Variants in ARMC9 observed in about 807,000 individuals in gnomAD.
ARMC9 encodes lisH domain-containing protein ARMC9.
Under a neutral mutation model 107.0 loss-of-function variants are expected in ARMC9, and 94 were observed. The ratio of observed to expected loss-of-function variants is 0.88; its 90% CI spans 0.74 to 1.04. ARMC9 has a LOEUF of 1.04. Ranked by LOEUF, ARMC9 falls within the 50% of genes least tolerant of loss-of-function variation. ARMC9 has a pLI of 0.00. For missense variants in ARMC9, 942 were observed against 1,030.1 expected, an observed-to-expected ratio of 0.91 and a Z score of 1.17; for synonymous variants, 380 against 396.9, an observed-to-expected ratio of 0.96 and a Z score of 0.51.
At chr2:231,220,424 C>T (rs1167461905) in intron 5 of ARMC9, among the ~76,000 whole-genome samples, 1 of 151,906 alleles carries the variant, frequency 6.6e-6, no homozygotes, top group Non-Finnish European at 1.5e-5. Flanking sequence ...TGGTGAAACC[C>T]TGTCTCTACT....
Position 231,209,048 on chromosome 2 carries a change from C to T in ARMC9, c.177+796C>T, listed in dbSNP as rs141807574. Among the ~76,000 whole-genome samples the T allele has an allele frequency of 1.0e-3, 157 of 152,150 alleles. 1 individual carries two copies. Among genetic ancestry groups the T allele is most frequent in the African/African-American group, 3.4e-3 (140 of 41,482 alleles). On this transcript the variant is annotated intron_variant, in intron 3 of 24. Coordinates refer to ENST00000611582, the MANE Select transcript of ARMC9 (RefSeq NM_001352754.2). ...TCCCTAGTAGCTAGGATTACAGGCACGTGCTACTGCGTCTGGCTAATTTTT... is the reference window on the plus strand; with the variant it reads ...TCCCTAGTAGCTAGGATTACAGGCATGTGCTACTGCGTCTGGCTAATTTTT...
chr2:231,227,889 G>A (rs1055633246), intron 7 of ARMC9, among the ~76,000 whole-genome samples: 2 of 152,220 alleles, frequency 1.3e-5, no homozygotes, highest in African/African-American at 4.8e-5. Flanking sequence ...CTGTCGCTCA[G>A]AGGGGACAGG....
At chr2:231,345,337 T>C in intron 21 of ARMC9, 1 of 573,082 alleles carries the variant, frequency 1.7e-6, no homozygotes, top group Non-Finnish European at 2.7e-6. Context: ...AAGACAAATG[T>C]TGGCCAGAGT....
intron 20 of ARMC9, among the ~76,000 whole-genome samples, chr2:231,336,461 C>A (rs1372855966): frequency 6.6e-6 from 1 of 152,214 alleles, no homozygotes; most frequent in Non-Finnish European, 1.5e-5. Context: ...TACCACTCAG[C>A]CGGGCCGCCT....
intron 18 of ARMC9, chr2:231,295,666 C>G (rs1357358695): frequency 6.6e-6 from 1 of 152,282 alleles, no homozygotes; most frequent in Non-Finnish European, 1.5e-5. Context: ...AACCACAGAG[C>G]CTTCAGGAAC....
intron 15 of ARMC9, 109 bp downstream of exon 15, chr2:231,276,884 T>TA: frequency 7.1e-7 from 1 of 1,417,900 alleles, no homozygotes. Context: ...CATAGAAAAC[T>TA]AAAAACAGAA....
At chr2:231,230,164 C>T (rs529828548) in intron 7 of ARMC9, among the ~76,000 whole-genome samples, 1 of 152,012 alleles carries the variant, frequency 6.6e-6, no homozygotes, top group African/African-American at 2.4e-5. Context: ...GAGTTTGTGA[C>T]CAGCCTGGCC....
chr2:231,376,587 A>G lies in ARMC9; in HGVS notation c.*5052A>G, dbSNP rs1191316485. Among the ~76,000 whole-genome samples, 2 of 152,226 alleles carry G rather than the reference A, an allele frequency of 1.3e-5. No individual in the cohort carries two copies. The highest frequency in any genetic ancestry group is 4.8e-5 in the African/African-American group (2 of 41,446). On this transcript the variant is annotated 3_prime_UTR_variant, in exon 25 of 25. Coordinates refer to ENST00000611582, the MANE Select transcript of ARMC9 (RefSeq NM_001352754.2). ...CCCTGTCTCCTGATAAGATGTTATC[A>G]ATGACAATGGTGCCCAAAACTTCAT...
chr2:231,289,321 G>T (rs1221637054), intron 17 of ARMC9, among the ~76,000 whole-genome samples: 1 of 152,102 alleles, frequency 6.6e-6, no homozygotes, highest in Non-Finnish European at 1.5e-5. Context: ...ACAAAAATTA[G>T]TCAGGCATGG....
At position 231,282,024 on chromosome 2, in the gene ARMC9, C is replaced by T. The variant is rs1334612645; in HGVS notation, c.1552-35C>T. On this transcript the variant is annotated intron_variant, in intron 16 of 24. Coordinates refer to ENST00000611582, the MANE Select transcript of ARMC9 (RefSeq NM_001352754.2). The stretch of plus-strand genomic sequence containing the variant: ...TATAGAGTTGTGCAGTATTTGAAAA[C>T]TTGCAAATAACTGGTTTTTTTCCTC... 1.9e-6 allele frequency: 3 copies of T among 1,593,016 alleles called. No individual in the cohort carries two copies. In the South Asian group the frequency reaches 3.3e-5, roughly 18 times the overall value.
At chr2:231,334,820 T>G (rs1003246521) in intron 20 of ARMC9, among the ~76,000 whole-genome samples, 11 of 152,152 alleles carry the variant, frequency 7.2e-5, no homozygotes, top group African/African-American at 2.2e-4. Flanking sequence ...ATTCCCACCT[T>G]GTCATGCCCT....
chr2:231,359,713 T>C (rs951951501), intron 22 of ARMC9, among the ~76,000 whole-genome samples: 1 of 152,152 alleles, frequency 6.6e-6, no homozygotes, highest in African/African-American at 2.4e-5. Flanking sequence ...CTCCTGGCCT[T>C]ATTCTAAGCA....
intron 19 of ARMC9, among the ~76,000 whole-genome samples, chr2:231,322,103 C>T (rs2043030732): frequency 6.6e-6 from 1 of 152,256 alleles, no homozygotes; most frequent in African/African-American, 2.4e-5. Flanking sequence ...AACCAACTGT[C>T]ATACCCTGGG....
intron 9 of ARMC9, among the ~76,000 whole-genome samples, chr2:231,244,779 C>T (rs1042789039): frequency 3.9e-5 from 6 of 152,226 alleles, no homozygotes; most frequent in Non-Finnish European, 1.5e-5. Context: ...TAGCCCGCTG[C>T]CATTGCTGTG....
chr2:231,203,076 C>G (rs565045366), intron 1 of ARMC9, among the ~76,000 whole-genome samples: 2 of 152,076 alleles, frequency 1.3e-5, no homozygotes, highest in African/African-American at 4.8e-5. Context: ...TGACCTAACT[C>G]GGTCGGAAGT....
intron 5 of ARMC9, among the ~76,000 whole-genome samples, chr2:231,217,389 G>A (rs939973195): frequency 6.6e-5 from 10 of 152,102 alleles, no homozygotes; most frequent in Admixed American, 3.9e-4. Flanking sequence ...TTTGAGACCA[G>A]CCTGGCCAAC....
At chr2:231,312,253 G>A (rs866789109) in intron 19 of ARMC9, among the ~76,000 whole-genome samples, 3 of 152,172 alleles carry the variant, frequency 2.0e-5, no homozygotes, top group Admixed American at 6.5e-5. Flanking sequence ...TCTCCGCCAC[G>A]TGACTTCACT....
At chr2:231,245,223 G>A (rs2036645592) in intron 9 of ARMC9, among the ~76,000 whole-genome samples, 1 of 152,220 alleles carries the variant, frequency 6.6e-6, no homozygotes, top group African/African-American at 2.4e-5. Flanking sequence ...GTGGCTTGCT[G>A]GGATATGGGA....
intron 22 of ARMC9, among the ~76,000 whole-genome samples, chr2:231,359,695 C>T (rs1258530015): frequency 3.3e-5 from 5 of 152,158 alleles, no homozygotes; most frequent in East Asian, 3.9e-4. Flanking sequence ...TGTACACCTA[C>T]GCTTTTTCTC....
Sources: gnomAD v4.1 joint callset for allele counts (sites outside exome capture counted in the v4.1 genomes callset) on GRCh38, gnomAD v4.1.1 for gene constraint, MANE v1.5 for transcripts, NCBI Gene and HGNC (gene_info 2026-07-23, HGNC 2026-07-21) for gene names.